The following IGSF21 variants were observed in gnomAD, a reference collection of about 807,000 sequenced individuals.
IGSF21 encodes immunoglobulin superfamily member 21.
A neutral mutation model predicts 46.8 loss-of-function variants in IGSF21; 28 were observed. That is an observed-to-expected ratio of 0.60 (90% confidence interval 0.44 to 0.82). IGSF21 has a LOEUF of 0.82. IGSF21 is among the 40% of genes least tolerant of loss of function. IGSF21 has a pLI of 0.00. For missense variants in IGSF21, 624 were observed against 665.5 expected, an observed-to-expected ratio of 0.94 and a Z score of 0.69; for synonymous variants, 284 against 273.6, an observed-to-expected ratio of 1.04 and a Z score of -0.38.
At chr1:18,128,603 G>C (rs1368771718) in intron 1 of IGSF21, among the ~76,000 whole-genome samples, 1 of 152,142 alleles carries the variant, frequency 6.6e-6, no homozygotes, top group East Asian at 1.9e-4. Flanking sequence ...CCAGGCCCCA[G>C]GGAAGCAATT....
chr1:18,341,393 G>T (rs2085840016), intron 4 of IGSF21, among the ~76,000 whole-genome samples: 3 of 152,070 alleles, frequency 2.0e-5, no homozygotes, highest in Non-Finnish European at 4.4e-5. Context: ...CGGACTGTGG[G>T]TCAGAACTTC....
chr1:18,273,434 CTTTCTTTCTCA>C (rs2085065621), intron 2 of IGSF21, among the ~76,000 whole-genome samples: 15 of 120,860 alleles, frequency 1.2e-4, no homozygotes, highest in African/African-American at 2.3e-4. Context: ...CCTTTCCTTT[CTTTCTTTCTCA>C]CTTTCTTTCT....
intron 1 of IGSF21, among the ~76,000 whole-genome samples, chr1:18,122,205 T>C (rs1281522316): frequency 6.9e-6 from 1 of 144,806 alleles, no homozygotes; most frequent in Non-Finnish European, 1.5e-5. Flanking sequence ...TTTTTTTTTT[T>C]TTTTTTTTTT....
chr1:18,227,862 C>T (rs3738087), intron 1 of IGSF21, 36 bp from the exon 2 acceptor site: 400,471 of 1,506,292 alleles, frequency 0.27, 55,747 homozygotes, highest in Non-Finnish European at 0.28. Context: ...CTGATCTGCT[C>T]GTGCCCTTAC....
chr1:18,304,607 C>T (rs182274275), intron 3 of IGSF21, among the ~76,000 whole-genome samples: 10 of 152,296 alleles, frequency 6.6e-5, no homozygotes, highest in African/African-American at 2.2e-4. Flanking sequence ...GCAGCTTCCC[C>T]CTGACCTGCA....
intron 2 of IGSF21, among the ~76,000 whole-genome samples, chr1:18,231,210 C>T (rs1417116143): frequency 2.0e-5 from 3 of 152,218 alleles, no homozygotes; most frequent in Non-Finnish European, 1.5e-5. Context: ...CCCTCTGGTC[C>T]TAAATACATT....
intron 2 of IGSF21, among the ~76,000 whole-genome samples, chr1:18,234,464 T>C (rs2084655561): frequency 6.6e-6 from 1 of 152,174 alleles, no homozygotes; most frequent in South Asian, 2.1e-4. Flanking sequence ...TCTACTTCCA[T>C]TGTAATCTGT....
At chr1:18,317,063 C>T (rs563458149) in intron 3 of IGSF21, among the ~76,000 whole-genome samples, 29 of 152,314 alleles carry the variant, frequency 1.9e-4, no homozygotes, top group African/African-American at 6.5e-4. Context: ...GGGTGAGTCA[C>T]GTAATCTGAC....
At chr1:18,115,830 GAAGGAAGGAAGGAAGAAAGAAAGA>G (rs2086182342) in intron 1 of IGSF21, 1 of 89,400 alleles carries the variant, frequency 1.1e-5, no homozygotes, top group Non-Finnish European at 2.1e-5. Context: ...AGGAAGGAAG[GAAGGAAGGAAGGAAGAAAGAAAGA>G]AAGAAAGAAA....
At chr1:18,281,296 A>T (rs1205481055) in intron 2 of IGSF21, among the ~76,000 whole-genome samples, 1 of 149,194 alleles carries the variant, frequency 6.7e-6, no homozygotes, top group Non-Finnish European at 1.5e-5. Context: ...ATGGTGGCTC[A>T]TGCCTGTAAT....
intron 1 of IGSF21, among the ~76,000 whole-genome samples, chr1:18,219,658 T>A (rs1225779729): frequency 6.6e-6 from 1 of 152,190 alleles, no homozygotes; most frequent in African/African-American, 2.4e-5. Flanking sequence ...TAGATTGGTG[T>A]GCTCTGAGCT....
intron 1 of IGSF21, among the ~76,000 whole-genome samples, chr1:18,138,752 G>A (rs978841283): frequency 2.0e-5 from 3 of 152,238 alleles, no homozygotes; most frequent in Non-Finnish European, 2.9e-5. Context: ...CAAGATGCCA[G>A]CTTGGCATCT....
Position 18,334,409 on chromosome 1 carries a change from G to A in IGSF21, c.306-483G>A, listed in dbSNP as rs375897796. On this transcript the variant is annotated intron_variant, in intron 3 of 9. Transcript: ENST00000251296. This position sits in a 1 kb window ranked among gnomAD's most constrained non-coding sequence, Gnocchi z 4.3. ...CAAATTTCCATACTGGTTCTTATTA[G>A]CAATTGAGTTCCGTCCTGAGCCTCA... Among the ~76,000 whole-genome samples the A allele has an allele frequency of 2.6e-5, 4 of 152,114 alleles. No homozygotes were observed. The highest frequency in any genetic ancestry group is 1.9e-4 in the East Asian group (1 of 5,182).
intron 3 of IGSF21, among the ~76,000 whole-genome samples, chr1:18,317,116 C>G (rs1448011921): frequency 1.3e-5 from 2 of 152,210 alleles, no homozygotes; most frequent in African/African-American, 4.8e-5. Context: ...CCCCTCTAGG[C>G]TTTGGGCAGG....
Position 18,362,132 on chromosome 1 carries a change from G to A in IGSF21, c.442G>A (p.Glu148Lys). The A allele has an allele frequency of 6.2e-7, 1 of 1,610,600 alleles. No homozygotes were observed. Among genetic ancestry groups the A allele is most frequent in the Non-Finnish European group, 8.5e-7 (1 of 1,178,454 alleles). The change falls in exon 5 of 10, where the codon GAA (glutamate) becomes AAA (lysine). Residue 148 changes from glutamate to lysine, a missense_variant. Transcript: ENST00000251296. ...LNVMAPPTSI[E>K]VVAADTPAPF... is the part of the protein sequence containing the mutation. ...TGGGGCAGCTCCTCCCACCTCCATT[G>A]AAGTGGTGGCTGCTGACACACCAGC...
chr1:18,180,538 G>C (rs542676768), intron 1 of IGSF21, among the ~76,000 whole-genome samples: 13 of 152,108 alleles, frequency 8.5e-5, no homozygotes, highest in Non-Finnish European at 1.9e-4. Context: ...CAGGTCCAAG[G>C]TTTGAGCAAA....
At chr1:18,205,519 C>T (rs571548781) in intron 1 of IGSF21, among the ~76,000 whole-genome samples, 5 of 152,018 alleles carry the variant, frequency 3.3e-5, no homozygotes, top group Non-Finnish European at 7.3e-5. Flanking sequence ...GGACTGTGAT[C>T]GAGTGAGGCC....
intron 2 of IGSF21, among the ~76,000 whole-genome samples, chr1:18,245,814 A>T (rs1005957639): frequency 6.6e-6 from 1 of 152,152 alleles, no homozygotes; most frequent in African/African-American, 2.4e-5. Context: ...CAGGGGCCTT[A>T]TGAGGGAATG....
chr1:18,176,559 A>G (rs1173329617), intron 1 of IGSF21, among the ~76,000 whole-genome samples: 1 of 152,210 alleles, frequency 6.6e-6, no homozygotes, highest in East Asian at 1.9e-4. Flanking sequence ...CATAGCAGAT[A>G]ATCCTCGGGA....
Sources: allele counts gnomAD v4.1 joint callset (sites outside exome capture counted in the v4.1 genomes callset), GRCh38; gene constraint gnomAD v4.1.1; non-coding constraint Gnocchi (gnomAD v3.1); transcripts MANE v1.5; gene names NCBI Gene and HGNC (gene_info 2026-07-23, HGNC 2026-07-21).